Variants in TMEM163 observed in about 807,000 individuals in gnomAD.
TMEM163 encodes transmembrane protein 163.
Under a neutral mutation model 29.3 loss-of-function variants are expected in TMEM163, and 17 were observed. That is an observed-to-expected ratio of 0.58 (90% CI 0.40 to 0.87). The LOEUF is 0.87. Among genes scored for constraint, TMEM163 ranks in the 40% least tolerant of loss-of-function variants. TMEM163 has a pLI of 0.00. For missense variants in TMEM163, 303 were observed against 381.5 expected, an observed-to-expected ratio of 0.79 and a Z score of 1.71; for synonymous variants, 157 against 160.6, an observed-to-expected ratio of 0.98 and a Z score of 0.17.
intron 5 of TMEM163, among the ~76,000 whole-genome samples, chr2:134,486,359 A>T (rs1280838590): frequency 7.9e-5 from 12 of 152,224 alleles, no homozygotes. Context: ...AAGCAAATCA[A>T]CAGGTCTGAT....
intron 2 of TMEM163, among the ~76,000 whole-genome samples, chr2:134,685,517 T>C (rs1684333245): frequency 6.6e-6 from 1 of 152,182 alleles, no homozygotes; most frequent in Non-Finnish European, 1.5e-5. Flanking sequence ...TATTTATGAG[T>C]AATAAAGCAT....
At chr2:134,718,713 G>A in intron 1 of TMEM163, 21 bp downstream of exon 1, 1 of 1,144,674 alleles carries the variant, frequency 8.7e-7, no homozygotes, top group Non-Finnish European at 1.1e-6. Context: ...TCGCCGGCCG[G>A]GTCGGGCAGC....
intron 2 of TMEM163, among the ~76,000 whole-genome samples, chr2:134,688,654 C>G (rs1320099722): frequency 6.6e-6 from 1 of 152,206 alleles, no homozygotes; most frequent in Admixed American, 6.5e-5. Context: ...TTCATAGACA[C>G]TCTACATATT....
intron 2 of TMEM163, among the ~76,000 whole-genome samples, chr2:134,639,628 T>C (rs1022358841): frequency 1.3e-5 from 2 of 152,194 alleles, no homozygotes; most frequent in Non-Finnish European, 2.9e-5. Context: ...ACCTTATCCA[T>C]GGAGGACCCT....
intron 5 of TMEM163, among the ~76,000 whole-genome samples, chr2:134,501,872 C>T (rs550211526): frequency 1.3e-5 from 2 of 152,240 alleles, no homozygotes; most frequent in South Asian, 4.1e-4. Flanking sequence ...AGAGAGTAAG[C>T]GCTGGCCAAC....
chr2:134,568,314 C>CAGG, intron 2 of TMEM163, among the ~76,000 whole-genome samples: 1 of 152,150 alleles, frequency 6.6e-6, no homozygotes, highest in Admixed American at 6.5e-5. Context: ...CACTTGAGGT[C>CAGG]AGGAGTTTGA....
intron 5 of TMEM163, among the ~76,000 whole-genome samples, chr2:134,487,167 T>C (rs12473586): frequency 0.12 from 17,498 of 152,040 alleles, 1,237 homozygotes; most frequent in South Asian, 0.2. Flanking sequence ...GGAAAAAATA[T>C]AGAATTTGAA....
At chr2:134,507,543 G>C (rs1169363421) in intron 4 of TMEM163, among the ~76,000 whole-genome samples, 1 of 152,100 alleles carries the variant, frequency 6.6e-6, no homozygotes, top group Non-Finnish European at 1.5e-5. Flanking sequence ...AAGCCCTTCA[G>C]GTGATTCTGA....
At chr2:134,511,160 G>GGC (rs1553475813) in intron 4 of TMEM163, among the ~76,000 whole-genome samples, 2 of 149,802 alleles carry the variant, frequency 1.3e-5, no homozygotes, top group Admixed American at 6.6e-5. Flanking sequence ...AGGCGGGGGG[G>GGC]GGTGCTGTTA....
chr2:134,533,322 G>T (rs1008450599), intron 4 of TMEM163, among the ~76,000 whole-genome samples: 1 of 152,152 alleles, frequency 6.6e-6, no homozygotes, highest in African/African-American at 2.4e-5. Context: ...TGAACAGAAA[G>T]ATCCTATTTT....
At chr2:134,586,483 C>T (rs915311680) in intron 2 of TMEM163, among the ~76,000 whole-genome samples, 14 of 152,218 alleles carry the variant, frequency 9.2e-5, no homozygotes, top group Non-Finnish European at 1.3e-4. Flanking sequence ...GTATCTGTGT[C>T]CACATTTCCC....
chr2:134,596,307 ATCCAGT>A (rs1224158706), intron 2 of TMEM163, among the ~76,000 whole-genome samples: 2 of 152,140 alleles, frequency 1.3e-5, no homozygotes, highest in African/African-American at 4.8e-5. Context: ...TAAGGAAGGG[ATCCAGT>A]TTCAGCTTTC....
chr2:134,689,825 C>G (rs1160280211), intron 2 of TMEM163, among the ~76,000 whole-genome samples: 1 of 152,188 alleles, frequency 6.6e-6, no homozygotes, highest in African/African-American at 2.4e-5. Flanking sequence ...AATAAACACC[C>G]AAGCAAATAT....
At chr2:134,598,999 C>T (rs1316172601) in intron 2 of TMEM163, among the ~76,000 whole-genome samples, 1 of 137,498 alleles carries the variant, frequency 7.3e-6, no homozygotes, top group Non-Finnish European at 1.5e-5. Flanking sequence ...AAAGGACTCA[C>T]TGAAGCCATT....
chr2:134,606,496 C>T (rs1362760183), intron 2 of TMEM163, among the ~76,000 whole-genome samples: 2 of 152,180 alleles, frequency 1.3e-5, no homozygotes, highest in African/African-American at 2.4e-5. Context: ...CTCTCCTGGC[C>T]CACCCTGCAG....
intron 5 of TMEM163, among the ~76,000 whole-genome samples, chr2:134,473,937 A>T (rs901719451): frequency 6.6e-5 from 10 of 152,342 alleles, no homozygotes; most frequent in African/African-American, 2.4e-4. Context: ...ACATTTAATC[A>T]TTTAAAGGAG....
chr2:134,541,421 G>C (rs544407176), intron 4 of TMEM163, among the ~76,000 whole-genome samples: 1 of 152,260 alleles, frequency 6.6e-6, no homozygotes, highest in South Asian at 2.1e-4. Context: ...GCTCGACACT[G>C]GTCGTCAAAA....
rs184678406 is a variant in TMEM163 at position 134,605,514 on chromosome 2, A to G, written c.323-53423T>C. Among the ~76,000 whole-genome samples, 720 of 152,164 alleles carry G rather than the reference A, an allele frequency of 4.7e-3. 5 individuals carry two copies. Among genetic ancestry groups the G allele is most frequent in the African/African-American group, 0.017 (686 of 41,524 alleles). ...GGAGTTCCACATCAGCCTGGCCAAC[A>G]TGGTGAAACCCCGTCTCTACTAAAA... On this transcript the variant is annotated intron_variant, in intron 2 of 7. Transcript: ENST00000281924.
chr2:134,485,793 C>T (rs960088806), intron 5 of TMEM163, among the ~76,000 whole-genome samples: 3 of 152,140 alleles, frequency 2.0e-5, no homozygotes, highest in Non-Finnish European at 2.9e-5. Context: ...TCAAACACTT[C>T]TTCAGAAACA....
Sources: gnomAD v4.1 joint callset for allele counts (sites outside exome capture counted in the v4.1 genomes callset) on GRCh38, gnomAD v4.1.1 for gene constraint, MANE v1.5 for transcripts, NCBI Gene and HGNC (gene_info 2026-07-23, HGNC 2026-07-21) for gene names.